CSMD1: variants seen among roughly 807,000 people sequenced by gnomAD.
CSMD1 encodes CUB and sushi domain-containing protein 1.
CSMD1 carries 213 observed loss-of-function variants against 417.5 expected under a neutral mutation model. That is an observed-to-expected ratio of 0.51 (90% CI 0.46 to 0.57). The LOEUF (loss-of-function observed/expected upper bound fraction) is 0.57, where lower values mean the gene tolerates loss of function less well. CSMD1 is among the 20% of genes least tolerant of loss of function. The pLI is 0.00. For missense variants in CSMD1, 6,923 were observed against 4,529.7 expected, an observed-to-expected ratio of 1.53 and a Z score of -15.17; for synonymous variants, 2,862 against 1,736.8, an observed-to-expected ratio of 1.65 and a Z score of -16.11.
chr8:3,553,055 T>C (rs973601786), intron 10 of CSMD1, among the ~76,000 whole-genome samples: 3 of 151,936 alleles, frequency 2.0e-5, no homozygotes, highest in Non-Finnish European at 2.9e-5. Flanking sequence ...GTTCAATATA[T>C]TCAAGCAATA....
At chr8:4,774,688 C>A (rs922506473) in intron 1 of CSMD1, among the ~76,000 whole-genome samples, 1 of 152,118 alleles carries the variant, frequency 6.6e-6, no homozygotes, top group African/African-American at 2.4e-5. Context: ...AGTATTGGCT[C>A]ATGGGGGTGG....
chr8:4,372,449 C>G (rs921761223), intron 3 of CSMD1, among the ~76,000 whole-genome samples: 3 of 151,724 alleles, frequency 2.0e-5, no homozygotes, highest in African/African-American at 2.4e-5. Context: ...AATTAGTGAA[C>G]TCAATTCAAG....
At chr8:3,414,932 C>G (rs1012349647) in intron 12 of CSMD1, among the ~76,000 whole-genome samples, 3 of 152,178 alleles carry the variant, frequency 2.0e-5, no homozygotes, top group African/African-American at 7.2e-5. Flanking sequence ...TTTTCTGCGG[C>G]AAGACCTGTC....
chr8:3,659,920 AT>A (rs1158440771), intron 7 of CSMD1, among the ~76,000 whole-genome samples: 2 of 152,202 alleles, frequency 1.3e-5, no homozygotes. Flanking sequence ...GAAAGAGCAT[AT>A]CTTCATTGTG....
At chr8:4,236,082 T>C (rs1585072874) in intron 3 of CSMD1, among the ~76,000 whole-genome samples, 1 of 149,854 alleles carries the variant, frequency 6.7e-6, no homozygotes, top group East Asian at 2.0e-4. Flanking sequence ...AATTTCATTT[T>C]TTCCAGGTTT....
chr8:4,774,680 T>G (rs1796758393), intron 1 of CSMD1, among the ~76,000 whole-genome samples: 1 of 152,126 alleles, frequency 6.6e-6, no homozygotes, highest in South Asian at 2.1e-4. Flanking sequence ...ATGGCAGAAG[T>G]ATTGGCTCAT....
intron 2 of CSMD1, among the ~76,000 whole-genome samples, chr8:4,636,503 T>A (rs1802817724): frequency 6.6e-6 from 1 of 152,192 alleles, no homozygotes. Context: ...CTGAATATAT[T>A]CTCTGACAAC....
intron 7 of CSMD1, among the ~76,000 whole-genome samples, chr8:3,657,040 C>G (rs927432910): frequency 4.4e-5 from 6 of 137,612 alleles, no homozygotes; most frequent in African/African-American, 1.5e-4. Context: ...AAGTGTCTGC[C>G]AGGGCATTTT....
rs776140149 is a variant in CSMD1 at position 3,296,320 on chromosome 8, T to A, written c.3950+11375A>T. 2.0e-5 allele frequency among the ~76,000 whole-genome samples: 3 copies of A among 151,576 alleles called. No individual in the cohort carries two copies. The South Asian group carries it at 6.3e-4, about 32-fold the overall frequency. ...CACGTAAGGGGCATACCGTCCGCAT[T>A]TGAGGACAGCCAGGAGCCAGTGCAG... On this transcript the variant is annotated intron_variant, in intron 25 of 69. Transcript: ENST00000635120.
intron 1 of CSMD1, among the ~76,000 whole-genome samples, chr8:4,790,631 G>C (rs980343896): frequency 1.3e-5 from 2 of 152,100 alleles, no homozygotes; most frequent in African/African-American, 2.4e-5. Context: ...TACAAAAGCA[G>C]ACACATAGAC....
rs763890892 is a variant in CSMD1 at position 3,205,495 on chromosome 8, C to T, written c.4984+9G>A. 3 of 1,296,496 alleles carry T rather than the reference C, an allele frequency of 2.3e-6. No individual in the cohort carries two copies. In the East Asian group the frequency reaches 7.2e-5, roughly 31 times the overall value. 80.3% of individuals were successfully genotyped at this position (1,296,496 alleles called of 1,614,324 possible). A position where few individuals can be genotyped will look rare whatever the true frequency, so the allele number is the denominator to read the frequency against. On this transcript the variant is annotated intron_variant, in intron 31 of 69. Transcript: ENST00000635120. ...TGACAATGAATTAAAAATACAAGGA[C>T]ATCCTTACCGAATTCCTTTGGTACC...
intron 2 of CSMD1, among the ~76,000 whole-genome samples, chr8:4,457,346 G>T (rs538348464): frequency 6.6e-6 from 1 of 152,174 alleles, no homozygotes; most frequent in South Asian, 2.1e-4. Context: ...ACCGGAGAGG[G>T]GTTTGCGGAG....
intron 1 of CSMD1, among the ~76,000 whole-genome samples, chr8:4,754,327 T>G (rs1811532096): frequency 6.6e-6 from 1 of 152,130 alleles, no homozygotes; most frequent in South Asian, 2.1e-4. Context: ...TGACCAACAT[T>G]CAACTTGAAA....
At chr8:3,904,276 T>A (rs761000797) in intron 5 of CSMD1, among the ~76,000 whole-genome samples, 2 of 152,202 alleles carry the variant, frequency 1.3e-5, no homozygotes, top group Admixed American at 6.5e-5. Context: ...AAACAAATCA[T>A]AGGTTCTTCC....
At chr8:3,541,060 T>C (rs1201051485) in intron 10 of CSMD1, among the ~76,000 whole-genome samples, 2 of 152,142 alleles carry the variant, frequency 1.3e-5, no homozygotes, top group Non-Finnish European at 2.9e-5. Flanking sequence ...AATCACTCTA[T>C]TATAAAGATA....
At chr8:3,267,306 C>T (rs1018613654) in intron 26 of CSMD1, among the ~76,000 whole-genome samples, 1 of 152,206 alleles carries the variant, frequency 6.6e-6, no homozygotes, top group Admixed American at 6.5e-5. Context: ...GGCGTGATAT[C>T]CCACTGGGTC....
chr8:3,508,607 T>C (rs1370373286), intron 10 of CSMD1, among the ~76,000 whole-genome samples: 2 of 152,172 alleles, frequency 1.3e-5, no homozygotes, highest in African/African-American at 4.8e-5. Context: ...TAGCGATGTG[T>C]GAGAAAATTT....
At chr8:4,896,831 G>A (rs1331512797) in intron 1 of CSMD1, among the ~76,000 whole-genome samples, 4 of 151,952 alleles carry the variant, frequency 2.6e-5, no homozygotes, top group Admixed American at 6.5e-5. Context: ...TCCAGTGAGA[G>A]CCGGAGCCAC....
intron 26 of CSMD1, among the ~76,000 whole-genome samples, chr8:3,250,100 C>G (rs542120486): frequency 6.6e-6 from 1 of 152,174 alleles, no homozygotes; most frequent in Non-Finnish European, 1.5e-5. Context: ...GGTACATGTG[C>G]ACAACGTGCA....
Sources: gnomAD v4.1 joint callset for allele counts (sites outside exome capture counted in the v4.1 genomes callset) on GRCh38, gnomAD v4.1.1 for gene constraint, MANE v1.5 for transcripts, NCBI Gene and HGNC (gene_info 2026-07-23, HGNC 2026-07-21) for gene names.